Variants in SCHIP1 observed in about 807,000 individuals in gnomAD.
SCHIP1 encodes schwannomin-interacting protein 1.
In SCHIP1, 8 loss-of-function variants were observed where a neutral mutation model predicts 29.7. The ratio of observed to expected loss-of-function variants is 0.27; its 90% CI spans 0.16 to 0.49. The LOEUF (loss-of-function observed/expected upper bound fraction) is 0.49. Ranked by LOEUF, SCHIP1 falls within the 20% of genes least tolerant of loss-of-function variation. SCHIP1 has a pLI of 0.99. For synonymous variants in SCHIP1, 76 were observed against 94.9 expected (o/e 0.80, Z 1.16); for missense variants, 193 against 294.6 (o/e 0.66, Z 2.52).
the SCHIP1 span, among the ~76,000 whole-genome samples, chr3:159,523,726 C>A: frequency 9.2e-5 from 14 of 152,194 alleles, no homozygotes; most frequent in Non-Finnish European, 1.5e-4. Flanking sequence ...ACTCTACTTG[C>A]CAGTAATCCT....
At chr3:159,570,685 G>C in the SCHIP1 span, among the ~76,000 whole-genome samples, 17 of 152,304 alleles carry the variant, frequency 1.1e-4, no homozygotes, top group African/African-American at 3.9e-4. Context: ...TGTGAAGAAA[G>C]TCATTGGTAG....
chr3:159,515,329 C>G, the SCHIP1 span, among the ~76,000 whole-genome samples: 1 of 152,146 alleles, frequency 6.6e-6, no homozygotes, highest in Non-Finnish European at 1.5e-5. Context: ...TTCCGTTTGT[C>G]CTTTTGCCAG....
the SCHIP1 span, among the ~76,000 whole-genome samples, chr3:159,300,106 A>C: frequency 1.1e-5 from 1 of 87,998 alleles, no homozygotes. Flanking sequence ...GCTCCCAGGG[A>C]AAGCTGCTTT....
At chr3:159,547,463 G>C in the SCHIP1 span, among the ~76,000 whole-genome samples, 1 of 152,094 alleles carries the variant, frequency 6.6e-6, no homozygotes, top group Admixed American at 6.6e-5. Context: ...ACTTGCTTTT[G>C]GTGTTTTAGT....
intron 2 of SCHIP1, among the ~76,000 whole-genome samples, chr3:159,867,979 A>ATATATATATATAAATCAATGATT (rs1379984679): frequency 3.4e-5 from 5 of 146,068 alleles, no homozygotes; most frequent in African/African-American, 5.2e-5. Flanking sequence ...AGTGATTTAT[A>ATATATATATATAAATCAATGATT]TATATATATA....
the SCHIP1 span, among the ~76,000 whole-genome samples, chr3:159,546,079 T>C: frequency 6.6e-6 from 1 of 152,146 alleles, no homozygotes; most frequent in South Asian, 2.1e-4. Flanking sequence ...CATATATGTT[T>C]GTTTACATGG....
chr3:159,573,607 G>A, the SCHIP1 span, among the ~76,000 whole-genome samples: 1 of 152,104 alleles, frequency 6.6e-6, no homozygotes. Flanking sequence ...TCTTCTCGAG[G>A]AATATCTTTG....
the SCHIP1 span, among the ~76,000 whole-genome samples, chr3:159,414,008 T>G: frequency 6.6e-6 from 1 of 152,200 alleles, no homozygotes; most frequent in African/African-American, 2.4e-5. Context: ...AAAGACTTAC[T>G]CTTTCTGAAG....
intron 1 of SCHIP1, among the ~76,000 whole-genome samples, chr3:159,847,983 GT>G (rs1293456121): frequency 6.6e-6 from 1 of 151,468 alleles, no homozygotes; most frequent in Non-Finnish European, 1.5e-5. Flanking sequence ...GAGATGAAGG[GT>G]TAATCAGGAT....
chr3:159,804,473 G>A, the SCHIP1 span, among the ~76,000 whole-genome samples: 1 of 152,210 alleles, frequency 6.6e-6, no homozygotes, highest in Non-Finnish European at 1.5e-5. Flanking sequence ...AAAAGAGGCA[G>A]GCCATGAGTA....
the SCHIP1 span, among the ~76,000 whole-genome samples, chr3:159,406,351 CAAA>C: frequency 6.6e-6 from 1 of 152,096 alleles, no homozygotes; most frequent in Non-Finnish European, 1.5e-5. Flanking sequence ...ACAACAACAA[CAAA>C]AACTTTTATC....
chr3:159,392,365 G>C, the SCHIP1 span, among the ~76,000 whole-genome samples: 1 of 152,040 alleles, frequency 6.6e-6, no homozygotes, highest in African/African-American at 2.4e-5. Flanking sequence ...CATTGTGCAG[G>C]TTAGTTACAT....
chr3:159,342,410 C>T, the SCHIP1 span, among the ~76,000 whole-genome samples: 1 of 152,154 alleles, frequency 6.6e-6, no homozygotes, highest in Non-Finnish European at 1.5e-5. Flanking sequence ...ATTGTTACAG[C>T]AAATTTTGCT....
At chr3:159,571,107 C>T in the SCHIP1 span, among the ~76,000 whole-genome samples, 1 of 152,122 alleles carries the variant, frequency 6.6e-6, no homozygotes, top group Non-Finnish European at 1.5e-5. Context: ...ATGACTTCCT[C>T]ATTTCCTAAC....
chr3:159,805,972 G>C, the SCHIP1 span, among the ~76,000 whole-genome samples: 1 of 151,946 alleles, frequency 6.6e-6, no homozygotes, highest in African/African-American at 2.4e-5. Flanking sequence ...CCCACACCCA[G>C]CTAATTTTTG....
chr3:159,721,191 G>C, the SCHIP1 span, among the ~76,000 whole-genome samples: 161 of 152,120 alleles, frequency 1.1e-3, 1 homozygote, highest in African/African-American at 3.7e-3. Flanking sequence ...CAGTCTAAAG[G>C]GTATTATTAA....
upstream of SCHIP1, among the ~76,000 whole-genome samples, chr3:159,838,713 A>T (rs1218642428): frequency 6.6e-6 from 1 of 150,624 alleles, no homozygotes; most frequent in African/African-American, 2.5e-5. Flanking sequence ...ACACGGTGAA[A>T]CCCCGTCTCT....
chr3:159,453,415 A>G, the SCHIP1 span, among the ~76,000 whole-genome samples: 2 of 152,170 alleles, frequency 1.3e-5, no homozygotes, highest in East Asian at 1.9e-4. Flanking sequence ...AACCATCACC[A>G]TCGGCAGTTG....
chr3:159,697,027 G>A, the SCHIP1 span, among the ~76,000 whole-genome samples: 33 of 152,272 alleles, frequency 2.2e-4, no homozygotes, highest in African/African-American at 7.0e-4. Flanking sequence ...GCCATTGAAC[G>A]ATTTTAAGGG....
Sources: allele counts gnomAD v4.1 joint callset (sites outside exome capture counted in the v4.1 genomes callset), GRCh38; gene constraint gnomAD v4.1.1; transcripts MANE v1.5; gene names NCBI Gene and HGNC (gene_info 2026-07-23, HGNC 2026-07-21).